DLG2: variants seen among roughly 807,000 people sequenced by gnomAD.
The protein encoded by DLG2 is disks large homolog 2.
Under a neutral mutation model 132.5 loss-of-function variants are expected in DLG2, and 45 were observed. That is an observed-to-expected ratio of 0.34 (90% CI 0.27 to 0.44). The LOEUF (loss-of-function observed/expected upper bound fraction) is 0.44, where lower values mean the gene tolerates loss of function less well. DLG2 is among the 20% of genes least tolerant of loss of function. DLG2 has a pLI of 1.00. For synonymous variants in DLG2, 424 were observed against 419.6 expected (o/e 1.01, Z -0.13); for missense variants, 1,045 against 1,196.9 (o/e 0.87, Z 1.87).
chr11:84,343,076 T>C (rs948483266), intron 7 of DLG2, among the ~76,000 whole-genome samples: 4 of 152,042 alleles, frequency 2.6e-5, no homozygotes, highest in African/African-American at 9.7e-5. Flanking sequence ...AATGAGAAAG[T>C]TTAGTGGCAA....
intron 6 of DLG2, among the ~76,000 whole-genome samples, chr11:85,103,283 T>A (rs990822922): frequency 6.6e-6 from 1 of 151,916 alleles, no homozygotes; most frequent in East Asian, 1.9e-4. Context: ...AAAAATGCAA[T>A]GGACCCAGAA....
chr11:83,825,150 CACATATAT>C (rs1565219769), intron 17 of DLG2, among the ~76,000 whole-genome samples: 108 of 80,306 alleles, frequency 1.3e-3, no homozygotes, highest in African/African-American at 4.9e-3. Flanking sequence ...CACACACACA[CACATATAT>C]ATATATATAT....
intron 16 of DLG2, among the ~76,000 whole-genome samples, chr11:83,858,348 A>T (rs574857009): frequency 6.6e-6 from 1 of 152,298 alleles, no homozygotes; most frequent in Non-Finnish European, 1.5e-5. Context: ...CACTGAAATC[A>T]TTCCAGTTTC....
At chr11:84,893,333 T>A (rs2089710930) in intron 6 of DLG2, among the ~76,000 whole-genome samples, 7 of 152,198 alleles carry the variant, frequency 4.6e-5, no homozygotes, top group Admixed American at 4.6e-4. Flanking sequence ...CTAATTCATT[T>A]TTTAATGGTG....
chr11:85,104,193 G>T (rs985539641), intron 6 of DLG2, among the ~76,000 whole-genome samples: 1 of 151,960 alleles, frequency 6.6e-6, no homozygotes, highest in East Asian at 1.9e-4. Flanking sequence ...ATATGACCCA[G>T]AAATTTCATT....
intron 3 of DLG2, among the ~76,000 whole-genome samples, chr11:85,405,653 A>G (rs973485851): frequency 6.6e-6 from 1 of 152,032 alleles, no homozygotes; most frequent in African/African-American, 2.4e-5. Context: ...TTTACAGATT[A>G]GAAAGGGGCT....
At chr11:83,832,777 A>T (rs1331524850) in intron 17 of DLG2, among the ~76,000 whole-genome samples, 1 of 151,136 alleles carries the variant, frequency 6.6e-6, no homozygotes, top group Non-Finnish European at 1.5e-5. Flanking sequence ...TTAAAAAGGT[A>T]AAAAAAAAGG....
At chr11:84,949,679 CAG>C (rs2050679005) in intron 6 of DLG2, among the ~76,000 whole-genome samples, 2 of 152,162 alleles carry the variant, frequency 1.3e-5, no homozygotes, top group Admixed American at 6.5e-5. Context: ...CACCGGCAGT[CAG>C]AGTTTAAGGT....
At chr11:84,936,665 G>C (rs1010592566) in intron 6 of DLG2, 2 of 152,022 alleles carry the variant, frequency 1.3e-5, no homozygotes, top group Non-Finnish European at 2.9e-5. Context: ...GATTATGCAA[G>C]TTTTAATTGT....
chr11:84,756,402 A>C, intron 6 of DLG2, among the ~76,000 whole-genome samples: 1 of 152,202 alleles, frequency 6.6e-6, no homozygotes, highest in Admixed American at 6.5e-5. Flanking sequence ...TTCCTTCAAG[A>C]GCACGAATAC....
intron 3 of DLG2, among the ~76,000 whole-genome samples, chr11:85,528,958 A>C (rs2074992125): frequency 6.6e-6 from 1 of 152,254 alleles, no homozygotes; most frequent in Non-Finnish European, 1.5e-5. Flanking sequence ...TAGACTGAAC[A>C]AATTGTGGAA....
At chr11:84,288,965 T>A (rs974310292) in intron 7 of DLG2, among the ~76,000 whole-genome samples, 8 of 152,158 alleles carry the variant, frequency 5.3e-5, no homozygotes, top group African/African-American at 1.7e-4. Flanking sequence ...GCAAGAATTC[T>A]TTTTTCATCA....
chr11:83,558,030 G>C (rs2096549099), intron 19 of DLG2, among the ~76,000 whole-genome samples: 2 of 152,186 alleles, frequency 1.3e-5, no homozygotes, highest in Non-Finnish European at 2.9e-5. Context: ...AATAGGCAGA[G>C]AAATATGTAT....
intron 18 of DLG2, among the ~76,000 whole-genome samples, chr11:83,694,557 A>C (rs1273208751): frequency 6.6e-6 from 1 of 152,170 alleles, no homozygotes; most frequent in Non-Finnish European, 1.5e-5. Context: ...AGTCATAAAG[A>C]AAGAAAAAAG....
intron 19 of DLG2, among the ~76,000 whole-genome samples, chr11:83,589,457 A>C (rs2097149755): frequency 6.6e-6 from 1 of 152,086 alleles, no homozygotes; most frequent in Admixed American, 6.5e-5. Flanking sequence ...TTTTGTCACC[A>C]GCAGGCCTGC....
chr11:83,782,335 C>T (rs969034976), intron 18 of DLG2, among the ~76,000 whole-genome samples: 1 of 152,252 alleles, frequency 6.6e-6, no homozygotes, highest in Middle Eastern at 3.4e-3. Flanking sequence ...CATTAATAAA[C>T]CATAGTCAAA....
intron 6 of DLG2, among the ~76,000 whole-genome samples, chr11:85,069,080 T>G (rs4424693): frequency 0.2 from 29,435 of 149,428 alleles, 3,304 homozygotes; most frequent in Middle Eastern, 0.27. Context: ...AAATGGTGCT[T>G]GGAAAACTGG....
At chr11:84,625,161 G>C (rs1194463102) in intron 6 of DLG2, among the ~76,000 whole-genome samples, 1 of 151,932 alleles carries the variant, frequency 6.6e-6, no homozygotes, top group African/African-American at 2.4e-5. Flanking sequence ...CGCCCGGCCC[G>C]AGAGTCAACC....
chr11:85,608,368 G>A (rs999344605), intron 2 of DLG2, among the ~76,000 whole-genome samples: 2 of 152,034 alleles, frequency 1.3e-5, no homozygotes, highest in African/African-American at 2.4e-5. Context: ...CTCTGATGGG[G>A]AAAAATGGCC....
Sources: gnomAD v4.1 joint callset for allele counts (sites outside exome capture counted in the v4.1 genomes callset) on GRCh38, gnomAD v4.1.1 for gene constraint, MANE v1.5 for transcripts, NCBI Gene and HGNC (gene_info 2026-07-23, HGNC 2026-07-21) for gene names.